IKZF2: variants seen among roughly 807,000 people sequenced by gnomAD.
The protein encoded by IKZF2 is IKAROS family zinc finger 2, also known as zinc finger protein Helios.
A neutral mutation model predicts 49.2 loss-of-function variants in IKZF2; 15 were observed. The observed-to-expected ratio is 0.30, with a 90% CI of 0.20 to 0.47. The LOEUF (loss-of-function observed/expected upper bound fraction) is 0.47. IKZF2 is among the 20% of genes least tolerant of loss of function. The pLI, the probability that IKZF2 is intolerant of heterozygous loss-of-function variation, is 1.00. For synonymous variants in IKZF2, 227 were observed against 221.4 expected, an observed-to-expected ratio of 1.03 and a Z score of -0.23; for missense variants, 567 against 664.6, an observed-to-expected ratio of 0.85 and a Z score of 1.61.
chr2:213,147,554 A>T, intron 4 of IKZF2, 154 bp downstream of exon 4: 1 of 735,514 alleles, frequency 1.4e-6, no homozygotes, highest in Non-Finnish European at 2.5e-6. Flanking sequence ...TAATACTAGA[A>T]TGAACAGGAA....
intron 4 of IKZF2, among the ~76,000 whole-genome samples, chr2:213,135,005 T>C (rs922687733): frequency 2.6e-5 from 4 of 152,190 alleles, no homozygotes; most frequent in Non-Finnish European, 5.9e-5. Flanking sequence ...CTGCTCTTTC[T>C]TTTATAGGCC....
At chr2:213,112,161 T>C (rs2059724072) in intron 4 of IKZF2, among the ~76,000 whole-genome samples, 1 of 151,970 alleles carries the variant, frequency 6.6e-6, no homozygotes, top group African/African-American at 2.4e-5. Context: ...TCAGTCCTAC[T>C]CCATAGGGAA....
chr2:213,118,720 T>A (rs1321583162), intron 4 of IKZF2, among the ~76,000 whole-genome samples: 2 of 150,752 alleles, frequency 1.3e-5, no homozygotes, highest in African/African-American at 4.8e-5. Context: ...TGCTAATATT[T>A]TGTGCTTGTG....
intron 4 of IKZF2, among the ~76,000 whole-genome samples, chr2:213,082,225 G>C (rs16849711): frequency 0.047 from 7,223 of 152,162 alleles, 298 homozygotes; most frequent in African/African-American, 0.11. Context: ...TATACTTAAG[G>C]CTTGCAATAG....
chr2:213,041,244 T>G (rs1699609849), intron 6 of IKZF2, among the ~76,000 whole-genome samples: 2 of 152,104 alleles, frequency 1.3e-5, no homozygotes, highest in East Asian at 3.9e-4. Context: ...TACCTTTTAT[T>G]TTCCTATAAC....
rs1290666915 is a variant in IKZF2 at position 213,005,226 on chromosome 2, A to G, written c.*2134T>C. On this transcript the variant is annotated 3_prime_UTR_variant, in exon 9 of 9. Coordinates refer to ENST00000434687, the MANE Select transcript of IKZF2 (RefSeq NM_001387220.1). ...TGAGCGAGTCTCAAAAACATGCTTT[A>G]TCTTTAAATAGGTTGTATGTTCACT... 2 of 144,420 alleles carry G rather than the reference A, an allele frequency of 1.4e-5. No individual in the cohort carries two copies. Among genetic ancestry groups the G allele is most frequent in the Non-Finnish European group, 3.0e-5 (2 of 66,156 alleles). The allele number at this position is 144,420 out of a possible 1,614,324, so 8.9% of individuals were successfully genotyped here.
Position 213,000,667 on chromosome 2 carries a change from CT to C in IKZF2, c.*6692del, listed in dbSNP as rs1694822996. 1 of 129,902 alleles carries C rather than the reference CT, an allele frequency of 7.7e-6. No homozygotes were observed. Among genetic ancestry groups the C allele is most frequent in the Non-Finnish European group, 1.7e-5 (1 of 58,486 alleles). 8.0% of individuals were successfully genotyped at this position (129,902 alleles called of 1,614,324 possible). On this transcript the variant is annotated 3_prime_UTR_variant, in exon 9 of 9. Coordinates refer to ENST00000434687, the MANE Select transcript of IKZF2 (RefSeq NM_001387220.1). ...TACTTAAATTTGTATGAAAACAGGA[CT>C]GCTCCAAATATTTTTAAAAAAAATT...
chr2:213,033,416 C>T lies in IKZF2; in HGVS notation c.575-11286G>A, dbSNP rs187221323. 3.4e-3 allele frequency among the ~76,000 whole-genome samples: 519 copies of T among 152,326 alleles called. 5 individuals carry two copies. The highest frequency in any genetic ancestry group is 0.012 in the African/African-American group (497 of 41,584). ...GAAGGTTTTCAGTTTACTTTGCCCA[C>T]ATCCATCATAGAAATCACTGTCTAT... is the stretch of plus-strand genomic sequence containing the variant. On this transcript the variant is annotated intron_variant, in intron 6 of 8. Transcript: ENST00000434687.
chr2:213,037,327 G>A lies in IKZF2; in HGVS notation c.574+12386C>T, dbSNP rs191847348. On this transcript the variant is annotated intron_variant, in intron 6 of 8. Transcript: ENST00000434687. ...GAGCTGCATAGAATTATAAAAGAAA[G>A]GCTTATTAATTCCTTCTAGAAATAG... 1.2e-3 allele frequency among the ~76,000 whole-genome samples: 186 copies of A among 152,278 alleles called. 1 individual carries two copies. The highest frequency in any genetic ancestry group is 4.2e-3 in the African/African-American group (174 of 41,554).
chr2:213,141,488 C>G (rs1314800931), intron 4 of IKZF2, among the ~76,000 whole-genome samples: 1 of 151,986 alleles, frequency 6.6e-6, no homozygotes, highest in Admixed American at 6.6e-5. Context: ...AATTCCTAGA[C>G]TCCAACTTTA....
chr2:213,149,150 T>A (rs59097740), intron 2 of IKZF2, among the ~76,000 whole-genome samples: 11 of 152,112 alleles, frequency 7.2e-5, no homozygotes, highest in African/African-American at 2.7e-4. Flanking sequence ...TGCCCAACGG[T>A]GTCTTGAAGA....
In IKZF2 at chr2:213,005,019, C is replaced by G. The variant is rs908143211; in HGVS notation, c.*2341G>C. On this transcript the variant is annotated 3_prime_UTR_variant, in exon 9 of 9. Transcript: ENST00000434687. Reference sequence around the variant, plus strand: ...AAAAAAAATAAGTAGGAAGAAAATTCATAGATAATGCCAGCAGAAATTCGC... The same window carrying G: ...AAAAAAAATAAGTAGGAAGAAAATTGATAGATAATGCCAGCAGAAATTCGC... The G allele has an allele frequency of 9.9e-5, 15 of 152,082 alleles. No individual in the cohort carries two copies. Among genetic ancestry groups the G allele is most frequent in the African/African-American group, 3.1e-4 (13 of 41,324 alleles). The allele number at this position is 152,082 out of a possible 1,614,324, so 9.4% of individuals were successfully genotyped here.
At position 213,037,879 on chromosome 2, in the gene IKZF2, G is replaced by A. The variant is rs148660183; in HGVS notation, c.574+11834C>T. Among the ~76,000 whole-genome samples, 586 of 152,148 alleles carry A rather than the reference G, an allele frequency of 3.9e-3. 3 individuals are homozygous for A. The highest frequency in any genetic ancestry group is 0.014 in the African/African-American group (562 of 41,498). ...GGGCCAGGTGCCAGGTCTACAATCA[G>A]TTTAAAATAGTTCCTTCTCATGAGA... On this transcript the variant is annotated intron_variant, in intron 6 of 8. Coordinates refer to ENST00000434687, the MANE Select transcript of IKZF2 (RefSeq NM_001387220.1).
chr2:213,138,033 G>A (rs2060737485), intron 4 of IKZF2, among the ~76,000 whole-genome samples: 1 of 152,098 alleles, frequency 6.6e-6, no homozygotes, highest in African/African-American at 2.4e-5. Context: ...TAATTTATTA[G>A]AACGTGACTT....
At chr2:213,060,183 T>C (rs528795268) in intron 4 of IKZF2, among the ~76,000 whole-genome samples, 8 of 151,410 alleles carry the variant, frequency 5.3e-5, no homozygotes, top group African/African-American at 1.7e-4. Flanking sequence ...ATAGAAAAGT[T>C]TTCTCCACTC....
At chr2:213,066,504 T>C (rs1248218724) in intron 4 of IKZF2, among the ~76,000 whole-genome samples, 2 of 152,106 alleles carry the variant, frequency 1.3e-5, no homozygotes, top group Non-Finnish European at 2.9e-5. Flanking sequence ...ATAAACACTG[T>C]ACTACTGGTC....
rs973432841 is a variant in IKZF2, at chr2:213,001,144, C to CT, written c.*6215dup. ...TTGTACAGAAAGAAAAGAATAGTATCTTTTTAACTAATAGCAGAAGCAATC... is the reference window on the plus strand; with the variant it reads ...TTGTACAGAAAGAAAAGAATAGTATCTTTTTTAACTAATAGCAGAAGCAATC... On this transcript the variant is annotated 3_prime_UTR_variant, in exon 9 of 9. Transcript: ENST00000434687. 2.0e-5 allele frequency: 3 copies of CT among 151,832 alleles called. No individual in the cohort carries two copies. Among genetic ancestry groups the CT allele is most frequent in the Non-Finnish European group, 3.0e-5 (2 of 67,562 alleles). 9.4% of individuals were successfully genotyped at this position (151,832 alleles called of 1,614,324 possible).
rs1695434295 is a variant in IKZF2 at position 213,007,375 on chromosome 2, C to T, written c.1566G>A (p.Glu522=). The change falls in exon 9 of 9, where the codon GAG becomes GAA. Residue 522 remains glutamate, a synonymous_variant. Transcript: ENST00000434687. ...YEFSSHIVRG[E]HTFH is the part of the protein sequence containing the mutation. ...ATGAAAAGGCCTAGTGGAATGTGTG[C>T]TCCCCTCGAACAATGTGTGATGAAA... 1.9e-6 allele frequency: 3 copies of T among 1,612,938 alleles called. No individual in the cohort carries two copies. Among genetic ancestry groups the T allele is most frequent in the African/African-American group, 1.3e-5 (1 of 74,864 alleles).
At chr2:213,136,385 A>AG (rs1268946540) in intron 4 of IKZF2, among the ~76,000 whole-genome samples, 7 of 111,240 alleles carry the variant, frequency 6.3e-5, no homozygotes, top group Admixed American at 1.2e-4. Context: ...AAAAAAAAAA[A>AG]AAAAAAGAAA....
Sources: allele counts gnomAD v4.1 joint callset (sites outside exome capture counted in the v4.1 genomes callset), GRCh38; gene constraint gnomAD v4.1.1; transcripts MANE v1.5; gene names NCBI Gene and HGNC (gene_info 2026-07-23, HGNC 2026-07-21).